FKBP5: variants seen among roughly 807,000 people sequenced by gnomAD.
The protein encoded by FKBP5 is peptidyl-prolyl cis-trans isomerase FKBP5.
FKBP5 carries 23 observed loss-of-function variants against 50.5 expected under a neutral mutation model. The observed-to-expected ratio is 0.46, with a 90% CI of 0.33 to 0.65. The LOEUF (loss-of-function observed/expected upper bound fraction) is 0.65. Among genes scored for constraint, FKBP5 ranks in the 30% least tolerant of loss-of-function variants. FKBP5 has a pLI of 0.02. For missense variants in FKBP5, 411 were observed against 553.1 expected (o/e 0.74, Z 2.58); for synonymous variants, 176 against 190.6 (o/e 0.92, Z 0.63).
At chr6:35,698,364 A>G (rs1379553153) in intron 2 of FKBP5, among the ~76,000 whole-genome samples, 1 of 150,656 alleles carries the variant, frequency 6.6e-6, no homozygotes, top group Admixed American at 6.6e-5. Context: ...ATAAATAAAT[A>G]AGGCCGGGCG....
At chr6:35,634,640 A>G (rs925032640) in intron 3 of FKBP5, among the ~76,000 whole-genome samples, 5 of 152,144 alleles carry the variant, frequency 3.3e-5, no homozygotes, top group Non-Finnish European at 7.4e-5. Context: ...TTAGTTAGCA[A>G]TTCAACTAGA....
intron 1 of FKBP5, among the ~76,000 whole-genome samples, chr6:35,727,785 T>C (rs1021298695): frequency 6.6e-6 from 1 of 152,174 alleles, no homozygotes; most frequent in Non-Finnish European, 1.5e-5. Flanking sequence ...TGGAGAGCGC[T>C]GGCGGCAGCC....
At chr6:35,712,387 G>A (rs1205782945) in intron 2 of FKBP5, among the ~76,000 whole-genome samples, 6 of 152,194 alleles carry the variant, frequency 3.9e-5, no homozygotes, top group Admixed American at 1.3e-4. Context: ...CAGAATGGGA[G>A]GTGTCAGGAG....
chr6:35,643,676 T>C (rs1445854185), intron 1 of FKBP5, among the ~76,000 whole-genome samples: 1 of 152,210 alleles, frequency 6.6e-6, no homozygotes, highest in Non-Finnish European at 1.5e-5. Context: ...GTCATTCTTC[T>C]GGTCACTCCC....
chr6:35,621,407 G>A (rs1003821493), intron 3 of FKBP5, among the ~76,000 whole-genome samples: 4 of 152,078 alleles, frequency 2.6e-5, no homozygotes, highest in Non-Finnish European at 5.9e-5. Flanking sequence ...CGGATCACTT[G>A]AGGCCAGGAA....
chr6:35,601,273 T>C (rs1456162652), intron 5 of FKBP5, among the ~76,000 whole-genome samples: 1 of 152,238 alleles, frequency 6.6e-6, no homozygotes, highest in African/African-American at 2.4e-5. Context: ...CATCGCCTTG[T>C]AATACTGACA....
chr6:35,576,693 G>GGGGGAGT (rs1762228275), intron 10 of FKBP5, among the ~76,000 whole-genome samples: 1 of 121,750 alleles, frequency 8.2e-6, no homozygotes, highest in Non-Finnish European at 1.7e-5. Flanking sequence ...GGGGCGGGCG[G>GGGGGAGT]GGGGAGTTGG....
intron 3 of FKBP5, among the ~76,000 whole-genome samples, chr6:35,627,791 C>T (rs962881117): frequency 3.3e-5 from 5 of 151,724 alleles, no homozygotes; most frequent in Non-Finnish European, 7.4e-5. Flanking sequence ...GACATAGTTT[C>T]GTTCTTGTTG....
At chr6:35,620,434 A>AT (rs1561861559) in intron 3 of FKBP5, among the ~76,000 whole-genome samples, 160 bp from the exon 4 acceptor site, 1 of 151,806 alleles carries the variant, frequency 6.6e-6, no homozygotes. Context: ...TAAATAAATT[A>AT]TTTTTTTTGA....
chr6:35,580,882 T>C, intron 8 of FKBP5: 2 of 985,312 alleles, frequency 2.0e-6, no homozygotes, highest in Non-Finnish European at 1.2e-6. Context: ...AGTTTTAGAC[T>C]ATGCCACTAA....
rs111251652 is a variant in FKBP5 at position 35,659,417 on chromosome 6, T to C, written c.-19-16574A>G. ...CATGCGCCACCACACTCAGTTAATT[T>C]TGTATTTTTAGTAGAGATGGGGTTT... On this transcript the variant is annotated intron_variant, in intron 1 of 10. Transcript: ENST00000357266. Among the ~76,000 whole-genome samples the C allele has an allele frequency of 1.4e-4, 12 of 82,916 alleles. 4 individuals carry two copies. The highest frequency in any genetic ancestry group is 3.7e-4 in the African/African-American group (10 of 26,710). The allele number at this position is 82,916 out of a possible 152,430, so 54.4% of individuals were successfully genotyped here. A position where few individuals can be genotyped will look rare whatever the true frequency, so the allele number is the denominator to read the frequency against.
chr6:35,664,289 G>T (rs1187574724), intron 1 of FKBP5, among the ~76,000 whole-genome samples: 1 of 148,236 alleles, frequency 6.7e-6, no homozygotes, highest in African/African-American at 2.5e-5. Flanking sequence ...AAAATTAGCT[G>T]TTTTTTTTTT....
intron 9 of FKBP5, among the ~76,000 whole-genome samples, chr6:35,577,887 C>T (rs565051773): frequency 6.6e-6 from 1 of 152,094 alleles, no homozygotes; most frequent in South Asian, 2.1e-4. Context: ...AATCCTGTCT[C>T]TACTGAAAAT....
In FKBP5 at chr6:35,586,355, G is replaced by A. The variant is rs560373411; in HGVS notation, c.840+679C>T. ...CCGGAGATTCCTCATAAAAGCAAGT[G>A]TGCAGGAATCATCTTGGCCATTAGA... On this transcript the variant is annotated intron_variant, in intron 8 of 10. Coordinates refer to ENST00000357266, the MANE Select transcript of FKBP5 (RefSeq NM_004117.4). The A allele has an allele frequency of 2.7e-4, 269 of 985,214 alleles. 1 individual carries two copies. The highest frequency in any genetic ancestry group is 3.1e-4 in the Non-Finnish European group (259 of 829,878). 61.0% of individuals were successfully genotyped at this position (985,214 alleles called of 1,614,324 possible).
intron 5 of FKBP5, among the ~76,000 whole-genome samples, chr6:35,603,205 T>A (rs1763200935): frequency 6.6e-6 from 1 of 152,216 alleles, no homozygotes; most frequent in Admixed American, 6.5e-5. Context: ...AATGCTGTTG[T>A]TAAGTGTGGA....
intron 5 of FKBP5, among the ~76,000 whole-genome samples, chr6:35,601,061 A>G (rs532884956): frequency 1.6e-4 from 24 of 152,352 alleles, no homozygotes; most frequent in African/African-American, 5.3e-4. Flanking sequence ...GAGACAATAA[A>G]TGACAGAACT....
intron 1 of FKBP5, among the ~76,000 whole-genome samples, chr6:35,666,509 G>A (rs1017485884): frequency 2.0e-5 from 3 of 147,994 alleles, no homozygotes; most frequent in Non-Finnish European, 4.4e-5. Context: ...AGTTACAAAC[G>A]AATTGATATG....
intron 1 of FKBP5, among the ~76,000 whole-genome samples, chr6:35,683,311 C>T (rs1354299469): frequency 6.6e-6 from 1 of 151,670 alleles, no homozygotes; most frequent in East Asian, 1.9e-4. Context: ...AGCTACCACA[C>T]CTGGAGAACT....
At chr6:35,596,184 G>A (rs771585577) in intron 6 of FKBP5, among the ~76,000 whole-genome samples, 76 of 152,038 alleles carry the variant, frequency 5.0e-4, no homozygotes, top group Admixed American at 2.4e-3. Flanking sequence ...GTGAAACCTC[G>A]TCTCTACTAG....
Sources: gnomAD v4.1 joint callset for allele counts (sites outside exome capture counted in the v4.1 genomes callset) on GRCh38, gnomAD v4.1.1 for gene constraint, MANE v1.5 for transcripts, NCBI Gene and HGNC (gene_info 2026-07-23, HGNC 2026-07-21) for gene names.